TAFA2: variants seen among roughly 807,000 people sequenced by gnomAD.
TAFA2 encodes TAFA chemokine like family member 2, also known as chemokine-like protein TAFA-2.
A neutral mutation model predicts 18.8 loss-of-function variants in TAFA2; 7 were observed. The ratio of observed to expected loss-of-function variants is 0.37; its 90% CI spans 0.21 to 0.70. The LOEUF is 0.70. Among genes scored for constraint, TAFA2 ranks in the 30% least tolerant of loss-of-function variants. The probability of loss-of-function intolerance (pLI) is 0.53; values close to 1 mark genes in which losing one functional copy is unlikely to be tolerated. For synonymous variants in TAFA2, 60 were observed against 54.2 expected, an observed-to-expected ratio of 1.11 and a Z score of -0.47; for missense variants, 122 against 158.1, an observed-to-expected ratio of 0.77 and a Z score of 1.23.
chr12:61,807,705 C>T (rs527680117), intron 2 of TAFA2, among the ~76,000 whole-genome samples: 1 of 151,536 alleles, frequency 6.6e-6, no homozygotes, highest in East Asian at 1.9e-4. Flanking sequence ...CATGGGAACC[C>T]ACCTCTTGCA....
intron 1 of TAFA2, among the ~76,000 whole-genome samples, chr12:62,117,119 T>C (rs1869995370): frequency 6.6e-6 from 1 of 152,198 alleles, no homozygotes; most frequent in South Asian, 2.1e-4. Context: ...CTTTGAAATT[T>C]CTGTTCTTTA....
intron 1 of TAFA2, among the ~76,000 whole-genome samples, chr12:62,086,206 A>G (rs348674): frequency 9.9e-5 from 15 of 151,224 alleles, no homozygotes; most frequent in African/African-American, 3.6e-4. Context: ...AAAAAAAAAA[A>G]CAGGAAAAAG....
intron 2 of TAFA2, among the ~76,000 whole-genome samples, chr12:61,797,555 G>GA (rs147118686): frequency 0.047 from 6,970 of 148,970 alleles, 492 homozygotes; most frequent in African/African-American, 0.16. Context: ...ACAAAAGTCT[G>GA]AAAAAAAAAA....
chr12:61,713,971 A>G lies in TAFA2; in HGVS notation c.385-3554T>C, dbSNP rs149475520. ...TTGCCATATTTTTACAACTTAAATA[A>G]TACTCTTTCATTCAAACTGTATTTT... On this transcript the variant is annotated intron_variant, in intron 4 of 4. Coordinates refer to ENST00000416284, the MANE Select transcript of TAFA2 (RefSeq NM_178539.5). Among the ~76,000 whole-genome samples, 91 of 152,330 alleles carry G rather than the reference A, an allele frequency of 6.0e-4. 1 individual carries two copies. Among genetic ancestry groups the G allele is most frequent in the African/African-American group, 2.1e-3 (86 of 41,580 alleles).
intron 1 of TAFA2, among the ~76,000 whole-genome samples, chr12:62,234,112 T>C (rs953683338): frequency 6.6e-5 from 10 of 152,238 alleles, no homozygotes; most frequent in South Asian, 2.1e-4. Flanking sequence ...GATAGAGACA[T>C]GTCCAATGGT....
chr12:61,778,436 T>G (rs1870363716), intron 2 of TAFA2, among the ~76,000 whole-genome samples: 2 of 151,806 alleles, frequency 1.3e-5, no homozygotes, highest in Admixed American at 1.3e-4. Context: ...GACAAACGCT[T>G]GCCACCAGTC....
At chr12:61,877,753 T>C (rs1874918341) in intron 1 of TAFA2, among the ~76,000 whole-genome samples, 1 of 152,120 alleles carries the variant, frequency 6.6e-6, no homozygotes, top group African/African-American at 2.4e-5. Flanking sequence ...AGCAAGAATT[T>C]AACCAGTAAT....
chr12:61,955,639 ATATATATATATATATATATATATAT>A (rs1878661845), intron 1 of TAFA2, among the ~76,000 whole-genome samples: 2 of 17,548 alleles, frequency 1.1e-4, no homozygotes, highest in Non-Finnish European at 4.3e-4. Context: ...AAAAATATAT[ATATATATATATATATATATATATAT>A]ATATATTTAA....
At chr12:62,013,908 AAAGTCTACCT>A (rs1217971471) in intron 1 of TAFA2, among the ~76,000 whole-genome samples, 1 of 152,210 alleles carries the variant, frequency 6.6e-6, no homozygotes, top group Non-Finnish European at 1.5e-5. Context: ...TCTATCTTAC[AAAGTCTACCT>A]AATAGGCCTC....
intron 4 of TAFA2, among the ~76,000 whole-genome samples, chr12:61,725,482 A>G (rs992819299): frequency 2.6e-5 from 4 of 152,090 alleles, no homozygotes; most frequent in African/African-American, 9.7e-5. Flanking sequence ...ATGAGGATCC[A>G]GCTTCATTCT....
At chr12:61,712,993 T>A (rs1869484833) in intron 4 of TAFA2, among the ~76,000 whole-genome samples, 1 of 152,122 alleles carries the variant, frequency 6.6e-6, no homozygotes, top group Admixed American at 6.6e-5. Context: ...TTAGGAGGGA[T>A]TTTTTTGCTT....
At chr12:61,772,762 G>A (rs952326754) in intron 2 of TAFA2, among the ~76,000 whole-genome samples, 4 of 151,798 alleles carry the variant, frequency 2.6e-5, no homozygotes, top group South Asian at 2.1e-4. Flanking sequence ...TATACTGAAC[G>A]GGGAAAAGTT....
At chr12:62,185,555 C>T (rs1187621985) in intron 1 of TAFA2, among the ~76,000 whole-genome samples, 1 of 152,052 alleles carries the variant, frequency 6.6e-6, no homozygotes, top group South Asian at 2.1e-4. Context: ...TTTGAGTATG[C>T]CATTTACCAT....
rs184297344 is a variant in TAFA2 at position 61,709,403 on chromosome 12, A to C, written c.*1003T>G. 7.2e-5 allele frequency: 11 copies of C among 152,244 alleles called. No homozygotes were observed. The highest frequency in any genetic ancestry group is 7.2e-4 in the Admixed American group (11 of 15,276). The allele number at this position is 152,244 out of a possible 1,614,324, so 9.4% of individuals were successfully genotyped here. A position where few individuals can be genotyped will look rare whatever the true frequency, so the allele number is the denominator to read the frequency against. ...AGCATTCAAACAGTCATTGGGATCA[A>C]GCAAAAGAAAGTCTTTTAAAATGAG... On this transcript the variant is annotated 3_prime_UTR_variant, in exon 5 of 5. Coordinates refer to ENST00000416284, the MANE Select transcript of TAFA2 (RefSeq NM_178539.5).
At chr12:61,871,111 C>T (rs954918144) in intron 1 of TAFA2, among the ~76,000 whole-genome samples, 5 of 151,648 alleles carry the variant, frequency 3.3e-5, no homozygotes, top group African/African-American at 1.2e-4. Flanking sequence ...GAAAAAGAGT[C>T]GGGGGGGCAT....
intron 1 of TAFA2, among the ~76,000 whole-genome samples, chr12:62,056,278 T>C (rs1882186015): frequency 6.6e-6 from 1 of 152,220 alleles, no homozygotes; most frequent in African/African-American, 2.4e-5. Flanking sequence ...CACTCCCTTC[T>C]TCAATTTAGC....
intron 1 of TAFA2, among the ~76,000 whole-genome samples, chr12:62,019,067 T>G (rs1411531361): frequency 1.3e-5 from 2 of 152,110 alleles, no homozygotes; most frequent in African/African-American, 2.4e-5. Flanking sequence ...AAAAGACACA[T>G]GAAAAATTGC....
chr12:61,724,793 G>GTGTC (rs1870072627), intron 4 of TAFA2, among the ~76,000 whole-genome samples: 1 of 138,962 alleles, frequency 7.2e-6, no homozygotes, highest in East Asian at 2.3e-4. Context: ...GTGTGTGTGT[G>GTGTC]TGTGTGTGTA....
chr12:62,022,319 A>G (rs1301141834), intron 1 of TAFA2: 1 of 164,948 alleles, frequency 6.1e-6, no homozygotes, highest in Non-Finnish European at 1.3e-5. Flanking sequence ...TGACATGATC[A>G]GTTTTATATT....
Sources: gnomAD v4.1 joint callset for allele counts (sites outside exome capture counted in the v4.1 genomes callset) on GRCh38, gnomAD v4.1.1 for gene constraint, MANE v1.5 for transcripts, NCBI Gene and HGNC (gene_info 2026-07-23, HGNC 2026-07-21) for gene names.